RNMT: variants seen among roughly 807,000 people sequenced by gnomAD.
RNMT encodes RNA guanine-7 methyltransferase, also known as mRNA cap guanine-N(7) methyltransferase.
A neutral mutation model predicts 56.0 loss-of-function variants in RNMT; 27 were observed. That is an observed-to-expected ratio of 0.48 (90% CI 0.36 to 0.67). RNMT has a LOEUF of 0.67. RNMT is among the 30% of genes least tolerant of loss of function. The pLI is 0.00. For synonymous variants in RNMT, 184 were observed against 176.2 expected, an observed-to-expected ratio of 1.04 and a Z score of -0.35; for missense variants, 519 against 552.1, an observed-to-expected ratio of 0.94 and a Z score of 0.60.
intron 8 of RNMT, among the ~76,000 whole-genome samples, chr18:13,744,307 A>T (rs1472616630): frequency 6.6e-6 from 1 of 151,794 alleles, no homozygotes; most frequent in South Asian, 2.1e-4. Flanking sequence ...GGGTTTTGAG[A>T]TGCCTTTTTG....
At chr18:13,747,657 C>T (rs1429968933) in intron 9 of RNMT, among the ~76,000 whole-genome samples, 1 of 152,172 alleles carries the variant, frequency 6.6e-6, no homozygotes, top group African/African-American at 2.4e-5. Flanking sequence ...GCACCTGCAC[C>T]CAGCCACTCC....
chr18:13,760,547 A>T lies in RNMT; in HGVS notation c.*568A>T, dbSNP rs529642849. 138 of 985,830 alleles carry T rather than the reference A, an allele frequency of 1.4e-4. 1 individual carries two copies. In the African/African-American group the frequency reaches 2.3e-3, roughly 16 times the overall value. 61.1% of individuals were successfully genotyped at this position (985,830 alleles called of 1,614,324 possible). On this transcript the variant is annotated 3_prime_UTR_variant, in exon 12 of 12. Transcript: ENST00000383314. The stretch of plus-strand genomic sequence containing the variant: ...TTAGCAATTTATTGCATTTTGAAAT[A>T]ATCATTAACATGCTGCAATTCAGGA...
At chr18:13,740,353 C>T in intron 6 of RNMT, 74 bp downstream of exon 6, 1 of 859,312 alleles carries the variant, frequency 1.2e-6, no homozygotes, top group Non-Finnish European at 1.8e-6. Flanking sequence ...TAAAAATCAA[C>T]TCAATTTTTA....
intron 9 of RNMT, among the ~76,000 whole-genome samples, chr18:13,748,639 G>C (rs1942671): frequency 6.6e-6 from 1 of 152,072 alleles, no homozygotes; most frequent in Non-Finnish European, 1.5e-5. Context: ...TGGAGCGTTG[G>C]AACAGAGAGA....
chr18:13,728,399 G>C (rs1242638729), intron 1 of RNMT, among the ~76,000 whole-genome samples: 16 of 128,632 alleles, frequency 1.2e-4, no homozygotes, highest in Non-Finnish European at 2.5e-4. Context: ...GCAGTGGCTT[G>C]ATCTCAGCTC....
Position 13,760,089 on chromosome 18 carries a change from G to T in RNMT, c.*110G>T, listed in dbSNP as rs1211749867. On this transcript the variant is annotated 3_prime_UTR_variant, in exon 12 of 12. Coordinates refer to ENST00000383314, the MANE Select transcript of RNMT (RefSeq NM_003799.3). ...GTCTGTTGATTTTAATTCTAAATGT[G>T]CAGGATGCTGCCAGAAACTCCAATG... The T allele has an allele frequency of 1.4e-6, 2 of 1,468,220 alleles. No homozygotes were observed. Among genetic ancestry groups the T allele is most frequent in the East Asian group, 2.5e-5 (1 of 40,196 alleles). 90.9% of individuals were successfully genotyped at this position (1,468,220 alleles called of 1,614,324 possible).
At chr18:13,744,561 T>G (rs566414918) in intron 8 of RNMT, among the ~76,000 whole-genome samples, 1 of 152,328 alleles carries the variant, frequency 6.6e-6, no homozygotes, top group Admixed American at 6.5e-5. Context: ...AAAACTTGGT[T>G]TCATTTCTAA....
chr18:13,746,311 C>A lies in RNMT; in HGVS notation c.1231C>A (p.Leu411Ile). The change falls in exon 9 of 12, where the codon CTC becomes ATC. Residue 411 changes from leucine (L) to isoleucine (I), a missense_variant. Physicochemically the swap from Leu to Ile is conservative, Grantham distance 5. Coordinates refer to ENST00000383314, the MANE Select transcript of RNMT (RefSeq NM_003799.3). ...GATTAAGAACAATGAAAATAAAATG[C>A]TCTTAAAACGAATGCAGGCCTTGGA... ...EKIKNNENKM[L>I]LKRMQALEPY... is the part of the protein sequence containing the mutation. 1 of 1,560,684 alleles carries A rather than the reference C, an allele frequency of 6.4e-7. No individual in the cohort carries two copies. Among genetic ancestry groups the A allele is most frequent in the Non-Finnish European group, 8.7e-7 (1 of 1,145,438 alleles).
chr18:13,733,373 A>G (rs536568086), intron 3 of RNMT, among the ~76,000 whole-genome samples: 1 of 152,228 alleles, frequency 6.6e-6, no homozygotes, highest in East Asian at 1.9e-4. Context: ...CACATAGCCT[A>G]CTGAATTCTA....
intron 11 of RNMT, among the ~76,000 whole-genome samples, chr18:13,756,618 A>G (rs1255993042): frequency 6.6e-6 from 1 of 152,224 alleles, no homozygotes; most frequent in East Asian, 1.9e-4. Flanking sequence ...TTTCTGTCCT[A>G]TCGCTGTGCT....
intron 8 of RNMT, 95 bp from the exon 9 acceptor site, chr18:13,746,125 T>A: frequency 1.5e-6 from 1 of 676,254 alleles, no homozygotes. Context: ...GTAGCTTTTT[T>A]AGTTAAGTCC....
intron 1 of RNMT, chr18:13,726,993 C>T (rs1280699242): frequency 6.6e-6 from 1 of 152,260 alleles, no homozygotes; most frequent in Admixed American, 6.5e-5. Context: ...TGCTCCAGCT[C>T]GCGCCCCAGG....
intron 9 of RNMT, among the ~76,000 whole-genome samples, chr18:13,750,184 T>G (rs2044417995): frequency 6.6e-6 from 1 of 152,212 alleles, no homozygotes; most frequent in South Asian, 2.1e-4. Context: ...AAACACAGCA[T>G]GTTTTTCTGA....
intron 11 of RNMT, among the ~76,000 whole-genome samples, chr18:13,756,055 G>T (rs769844894): frequency 6.6e-6 from 1 of 152,120 alleles, no homozygotes; most frequent in Non-Finnish European, 1.5e-5. Flanking sequence ...TGGGTTGAGC[G>T]TATTTTGCAT....
intron 11 of RNMT, among the ~76,000 whole-genome samples, chr18:13,755,356 A>G (rs1568514910): frequency 1.3e-5 from 2 of 152,250 alleles, no homozygotes; most frequent in Admixed American, 6.5e-5. Context: ...AGGTGCGTGT[A>G]ACGTTTTTAA....
At chr18:13,748,851 G>A (rs1254397135) in intron 9 of RNMT, among the ~76,000 whole-genome samples, 3 of 152,076 alleles carry the variant, frequency 2.0e-5, no homozygotes, top group Non-Finnish European at 2.9e-5. Flanking sequence ...AGGCCAAGGC[G>A]GGCAGATAAC....
intron 1 of RNMT, among the ~76,000 whole-genome samples, chr18:13,728,631 G>A (rs762207817): frequency 6.6e-6 from 1 of 151,722 alleles, no homozygotes; most frequent in Non-Finnish European, 1.5e-5. Flanking sequence ...CCACCGTGAC[G>A]GCCTCAGCAT....
chr18:13,740,375 A>C (rs2044233113), intron 6 of RNMT, 96 bp downstream of exon 6: 1 of 715,900 alleles, frequency 1.4e-6, no homozygotes, highest in East Asian at 2.8e-5. Flanking sequence ...TTTTTTAAAA[A>C]AATTTACTCT....
rs929775861 is a variant in RNMT at position 13,764,312 on chromosome 18, C to T, written c.*4333C>T. 9.9e-5 allele frequency: 15 copies of T among 152,184 alleles called. No individual in the cohort carries two copies. The highest frequency in any genetic ancestry group is 5.2e-4 in the Admixed American group (8 of 15,278). 9.4% of individuals were successfully genotyped at this position (152,184 alleles called of 1,614,324 possible). Reference sequence around the variant, plus strand: ...TACAATCGGCACCCCAGAAGCCCCCCGTCAGATTCCCTTCCAGTTAACTAC... The same window carrying T: ...TACAATCGGCACCCCAGAAGCCCCCTGTCAGATTCCCTTCCAGTTAACTAC... On this transcript the variant is annotated 3_prime_UTR_variant, in exon 12 of 12. Coordinates refer to ENST00000383314, the MANE Select transcript of RNMT (RefSeq NM_003799.3).
Sources: allele counts gnomAD v4.1 joint callset (sites outside exome capture counted in the v4.1 genomes callset), GRCh38; gene constraint gnomAD v4.1.1; transcripts MANE v1.5; gene names NCBI Gene and HGNC (gene_info 2026-07-23, HGNC 2026-07-21).